Variants in NDST4 observed in about 807,000 individuals in gnomAD.
NDST4 encodes the protein N-deacetylase and N-sulfotransferase 4.
In NDST4, 63 loss-of-function variants were observed where a neutral mutation model predicts 100.8. That is an observed-to-expected ratio of 0.62 (90% CI 0.51 to 0.77). The LOEUF (loss-of-function observed/expected upper bound fraction) is 0.77. Ranked by LOEUF, NDST4 falls within the 30% of genes least tolerant of loss-of-function variation. NDST4 has a pLI of 0.00. For synonymous variants in NDST4, 377 were observed against 361.8 expected, an observed-to-expected ratio of 1.04 and a Z score of -0.48; for missense variants, 943 against 1,018.4, an observed-to-expected ratio of 0.93 and a Z score of 1.01.
chr4:115,087,724 T>C (rs1196644536), intron 1 of NDST4, among the ~76,000 whole-genome samples: 1 of 151,918 alleles, frequency 6.6e-6, no homozygotes, highest in Non-Finnish European at 1.5e-5. Flanking sequence ...TATCATGATA[T>C]GCTTTCCTGT....
intron 3 of NDST4, among the ~76,000 whole-genome samples, chr4:114,976,090 A>G (rs1416341882): frequency 6.6e-6 from 1 of 152,116 alleles, no homozygotes. Context: ...AGGAAAAGCC[A>G]ATAAGACATT....
At chr4:114,947,206 T>C (rs1228519380) in intron 4 of NDST4, among the ~76,000 whole-genome samples, 3 of 152,190 alleles carry the variant, frequency 2.0e-5, no homozygotes, top group African/African-American at 7.2e-5. Context: ...GTTTCAGTAG[T>C]ATAGGCATAA....
chr4:115,093,527 G>T (rs1417321927), intron 1 of NDST4, among the ~76,000 whole-genome samples: 1 of 151,778 alleles, frequency 6.6e-6, no homozygotes, highest in Non-Finnish European at 1.5e-5. Context: ...AACAAATTTG[G>T]TCTAAAAGAC....
At chr4:115,027,439 C>T (rs1728010979) in intron 2 of NDST4, among the ~76,000 whole-genome samples, 1 of 152,092 alleles carries the variant, frequency 6.6e-6, no homozygotes, top group South Asian at 2.1e-4. Context: ...CTTTGAAGTT[C>T]AGTCACTGTA....
intron 7 of NDST4, among the ~76,000 whole-genome samples, chr4:114,866,849 T>G (rs1031368687): frequency 1.3e-5 from 2 of 152,202 alleles, no homozygotes; most frequent in African/African-American, 2.4e-5. Context: ...TTCTTTTGAT[T>G]ATGTAAGTAC....
chr4:114,980,102 T>G (rs1418041129), intron 2 of NDST4, among the ~76,000 whole-genome samples: 2 of 152,146 alleles, frequency 1.3e-5, no homozygotes, highest in African/African-American at 4.8e-5. Flanking sequence ...ATAGGAATAA[T>G]GTAAAATGTC....
At chr4:114,847,375 C>CAAAAAAAAAAAAAA (rs57987259) in intron 9 of NDST4, among the ~76,000 whole-genome samples, 1 of 18,244 alleles carries the variant, frequency 5.5e-5, no homozygotes, top group African/African-American at 2.9e-4. Flanking sequence ...GACTCCGTCT[C>CAAAAAAAAAAAAAA]AAAAAAAAAA....
intron 6 of NDST4, among the ~76,000 whole-genome samples, chr4:114,929,041 TGTCCGTCCGTCC>T (rs1227310987): frequency 9.8e-4 from 120 of 122,022 alleles, no homozygotes; most frequent in South Asian, 3.0e-3. Context: ...TCTGTCTGTC[TGTCCGTCCGTCC>T]GTCCGTCCGT....
In NDST4 at chr4:114,940,601, T is replaced by C. The variant is rs147981818; in HGVS notation, c.1222-3098A>G. The stretch of plus-strand genomic sequence containing the variant: ...TGGGCACCGGCAGGAGTAGTTGCAC[T>C]GTGCTCTTTTAGCTTTGCCGTCCAT... On this transcript the variant is annotated intron_variant, in intron 4 of 13. Coordinates refer to ENST00000264363, the MANE Select transcript of NDST4 (RefSeq NM_022569.3). 3.0e-3 allele frequency among the ~76,000 whole-genome samples: 451 copies of C among 152,282 alleles called. 7 individuals are homozygous for C. The highest frequency in any genetic ancestry group is 0.027 in the Middle Eastern group (8 of 294).
rs199706200 is a variant in NDST4, at chr4:114,829,818, C to A, written c.2471G>T (p.Gly824Val). 3 of 1,611,242 alleles carry A rather than the reference C, an allele frequency of 1.9e-6. No individual in the cohort carries two copies. Among genetic ancestry groups the A allele is most frequent in the Admixed American group, 1.7e-5 (1 of 59,066 alleles). Residue 824 changes from glycine (G) to valine (V), a missense_variant, in exon 13 of 14, where the codon GGC (glycine) becomes GTC (valine). Coordinates refer to ENST00000264363, the MANE Select transcript of NDST4 (RefSeq NM_022569.3). Reference protein sequence around the residue: ...GKTKCLGKSKGRKYPPMDPES... With the variant: ...GKTKCLGKSKVRKYPPMDPES... ...TGGATCCATAGGTGGATATTTTCGG[C>A]CTTTGCTTTTTCCAAGGCATTTTGT...
intron 2 of NDST4, among the ~76,000 whole-genome samples, chr4:115,072,680 A>C (rs1013419199): frequency 6.6e-6 from 1 of 151,980 alleles, no homozygotes; most frequent in African/African-American, 2.4e-5. Context: ...TATATAAAAA[A>C]ACAACTTAAA....
At chr4:115,089,525 C>T (rs1191489364) in intron 1 of NDST4, among the ~76,000 whole-genome samples, 2 of 151,808 alleles carry the variant, frequency 1.3e-5, no homozygotes, top group Non-Finnish European at 2.9e-5. Flanking sequence ...AATATATTGT[C>T]CTTATCTTTT....
chr4:114,861,933 CAT>C (rs1056906952), intron 7 of NDST4, among the ~76,000 whole-genome samples: 10 of 152,068 alleles, frequency 6.6e-5, no homozygotes, highest in Admixed American at 2.0e-4. Context: ...TTCTTAATTA[CAT>C]GTCAGTACCT....
At chr4:114,929,109 C>CTATCTATCT (rs1560817101) in intron 6 of NDST4, among the ~76,000 whole-genome samples, 15 of 112,890 alleles carry the variant, frequency 1.3e-4, no homozygotes, top group Admixed American at 4.5e-4. Flanking sequence ...TCCATCCATC[C>CTATCTATCT]ATCCATCTAT....
chr4:114,869,249 TA>T (rs904777591), intron 7 of NDST4, among the ~76,000 whole-genome samples: 4 of 151,480 alleles, frequency 2.6e-5, no homozygotes, highest in African/African-American at 4.8e-5. Context: ...AGTTCATCAT[TA>T]AAAAAAAGTT....
chr4:115,094,356 C>A (rs1729579356), intron 1 of NDST4, among the ~76,000 whole-genome samples: 1 of 152,038 alleles, frequency 6.6e-6, no homozygotes, highest in African/African-American at 2.4e-5. Context: ...CAACCTAACA[C>A]AATCTGTTGT....
chr4:114,972,892 A>G (rs1278435754), intron 3 of NDST4, among the ~76,000 whole-genome samples: 1 of 152,060 alleles, frequency 6.6e-6, no homozygotes, highest in Non-Finnish European at 1.5e-5. Context: ...TGATCATAAA[A>G]TCTTAGCAAT....
intron 2 of NDST4, among the ~76,000 whole-genome samples, chr4:115,011,442 G>C (rs759709167): frequency 1.3e-5 from 2 of 151,122 alleles, no homozygotes; most frequent in African/African-American, 2.4e-5. Flanking sequence ...ATGGAGTTTA[G>C]ACTAACATGA....
At chr4:115,002,068 G>C (rs1238260868) in intron 2 of NDST4, among the ~76,000 whole-genome samples, 1 of 152,090 alleles carries the variant, frequency 6.6e-6, no homozygotes, top group African/African-American at 2.4e-5. Flanking sequence ...TGTAAAAGGA[G>C]TAATATAAAA....
Sources: gnomAD v4.1 joint callset for allele counts (sites outside exome capture counted in the v4.1 genomes callset) on GRCh38, gnomAD v4.1.1 for gene constraint, MANE v1.5 for transcripts, NCBI Gene and HGNC (gene_info 2026-07-23, HGNC 2026-07-21) for gene names.